The following CDH2 variants were observed in gnomAD, a reference collection of about 807,000 sequenced individuals.
The protein encoded by CDH2 is cadherin 2.
In CDH2, 17 loss-of-function variants were observed where a neutral mutation model predicts 92.0. The ratio of observed to expected loss-of-function variants is 0.18; its 90% CI spans 0.13 to 0.28. The LOEUF (loss-of-function observed/expected upper bound fraction) is 0.28, where lower values mean the gene tolerates loss of function less well. Among genes scored for constraint, CDH2 ranks in the 10% least tolerant of loss-of-function variants. The pLI, the probability that CDH2 is intolerant of heterozygous loss-of-function variation, is 1.00. For missense variants in CDH2, 862 were observed against 1,133.1 expected (o/e 0.76, Z 3.44); for synonymous variants, 419 against 415.9 (o/e 1.01, Z -0.09).
chr18:28,062,758 G>A lies in CDH2; in HGVS notation c.173-48849C>T, dbSNP rs550104892. Among the ~76,000 whole-genome samples, 7 of 152,294 alleles carry A rather than the reference G, an allele frequency of 4.6e-5. No individual in the cohort carries two copies. The South Asian group carries it at 1.5e-3, about 32-fold the overall frequency. On this transcript the variant is annotated intron_variant, in intron 2 of 15. Transcript: ENST00000269141. ...GAAGTCCAAGGCGAGCGGATGACTT[G>A]AGGTCAGGAGTTTGAGACCAGCCTG...
At chr18:27,940,745 A>C (rs541641622) in intron 6 of CDH2, among the ~76,000 whole-genome samples, 1 of 152,222 alleles carries the variant, frequency 6.6e-6, no homozygotes, top group African/African-American at 2.4e-5. Context: ...ACATGCAAAA[A>C]CAGTAAAAGA....
intron 1 of CDH2, 46 bp from the exon 2 acceptor site, chr18:28,147,830 C>T: frequency 9.7e-7 from 1 of 1,035,270 alleles, no homozygotes; most frequent in Non-Finnish European, 1.5e-6. Context: ...TGATTGCTAC[C>T]TCCTTCAACT....
chr18:27,943,118 G>T, intron 6 of CDH2, among the ~76,000 whole-genome samples: 1 of 152,124 alleles, frequency 6.6e-6, no homozygotes, highest in Middle Eastern at 3.4e-3. Flanking sequence ...TTTAATTTAG[G>T]TATATAAATA....
intron 2 of CDH2, among the ~76,000 whole-genome samples, chr18:28,101,614 A>T (rs990381427): frequency 2.0e-5 from 3 of 152,154 alleles, no homozygotes; most frequent in African/African-American, 7.2e-5. Context: ...GTGCAATTTA[A>T]TTTGAGCAAA....
At chr18:27,955,884 T>C (rs1182939560) in intron 15 of CDH2, among the ~76,000 whole-genome samples, 1 of 150,502 alleles carries the variant, frequency 6.6e-6, no homozygotes, top group Non-Finnish European at 1.5e-5. Flanking sequence ...GCAAAATCAC[T>C]GAACTTTTCA....
chr18:27,934,264 C>T (rs1366797365), intron 6 of CDH2, among the ~76,000 whole-genome samples: 5 of 152,116 alleles, frequency 3.3e-5, no homozygotes, highest in Non-Finnish European at 7.4e-5. Flanking sequence ...CTGTCTGTAT[C>T]GATGTCTGTC....
intron 2 of CDH2, among the ~76,000 whole-genome samples, chr18:28,069,332 G>A (rs544227433): frequency 6.6e-6 from 1 of 152,202 alleles, no homozygotes; most frequent in African/African-American, 2.4e-5. Flanking sequence ...TCTGTAAGTG[G>A]AAAAAATAAT....
chr18:27,966,021 T>C (rs1319241047), intron 14 of CDH2, among the ~76,000 whole-genome samples: 1 of 147,174 alleles, frequency 6.8e-6, no homozygotes, highest in Non-Finnish European at 1.5e-5. Flanking sequence ...AAAAAAGATT[T>C]ATTCAGAGAA....
chr18:27,981,323 T>G (rs1220313840), intron 14 of CDH2, among the ~76,000 whole-genome samples: 2 of 152,170 alleles, frequency 1.3e-5, no homozygotes, highest in African/African-American at 4.8e-5. Context: ...AGTGAAAGGA[T>G]AGATTAATTA....
intron 15 of CDH2, among the ~76,000 whole-genome samples, chr18:27,952,731 TA>T (rs1185136373): frequency 1.3e-5 from 2 of 152,006 alleles, no homozygotes; most frequent in Non-Finnish European, 2.9e-5. Flanking sequence ...AGATTAAATT[TA>T]AAAAAAGCAC....
chr18:28,134,300 G>A (rs2015825669), intron 2 of CDH2, among the ~76,000 whole-genome samples: 1 of 152,010 alleles, frequency 6.6e-6, no homozygotes, highest in Non-Finnish European at 1.5e-5. Flanking sequence ...GAAGACATTC[G>A]TGGCTTAAAG....
intron 2 of CDH2, among the ~76,000 whole-genome samples, chr18:28,128,896 G>A (rs1173285562): frequency 1.3e-5 from 2 of 152,090 alleles, no homozygotes; most frequent in African/African-American, 4.8e-5. Context: ...ATTTTTTTCT[G>A]GTAGATATGC....
At chr18:28,082,182 G>T (rs1022050093) in intron 2 of CDH2, among the ~76,000 whole-genome samples, 1 of 152,138 alleles carries the variant, frequency 6.6e-6, no homozygotes, top group African/African-American at 2.4e-5. Flanking sequence ...AGAGGCAGGA[G>T]GACTGCTTGA....
chr18:28,130,099 G>A (rs1458079344), intron 2 of CDH2, among the ~76,000 whole-genome samples: 1 of 152,144 alleles, frequency 6.6e-6, no homozygotes, highest in Non-Finnish European at 1.5e-5. Context: ...AGAGCATAAA[G>A]AAACTAATTC....
intron 6 of CDH2, among the ~76,000 whole-genome samples, chr18:27,933,444 C>G (rs1185556389): frequency 2.0e-5 from 3 of 151,880 alleles, no homozygotes; most frequent in Non-Finnish European, 4.4e-5. Flanking sequence ...TCAACATGAC[C>G]AATATAAATC....
chr18:27,991,676 C>A (rs990688487), intron 9 of CDH2, among the ~76,000 whole-genome samples: 1 of 152,176 alleles, frequency 6.6e-6, no homozygotes, highest in Non-Finnish European at 1.5e-5. Context: ...ACACAGATAT[C>A]AGGAGCAGAG....
intron 2 of CDH2, among the ~76,000 whole-genome samples, chr18:28,049,781 TA>T (rs764197776): frequency 2.8e-4 from 43 of 152,352 alleles, no homozygotes; most frequent in Admixed American, 6.5e-4. Flanking sequence ...CGTATGCAAC[TA>T]ATAATTATTA....
rs1248961810 is a variant in CDH2 at position 28,062,942 on chromosome 18, C to T, written c.173-49033G>A. On this transcript the variant is annotated intron_variant, in intron 2 of 15. Transcript: ENST00000269141. ...GAGCCGAGATCACGCCACTGCACTC[C>T]AGCCTGGGTGACAGATCATGACTCT... Among the ~76,000 whole-genome samples, 3 of 152,150 alleles carry T rather than the reference C, an allele frequency of 2.0e-5. No homozygotes were observed. The East Asian group carries it at 5.8e-4, about 29-fold the overall frequency.
intron 1 of CDH2, among the ~76,000 whole-genome samples, chr18:28,169,834 A>C (rs1427011050): frequency 3.3e-5 from 5 of 152,162 alleles, no homozygotes; most frequent in African/African-American, 7.2e-5. Context: ...ACTTTGAAAA[A>C]CCCAAGTTAA....
Sources: gnomAD v4.1 joint callset for allele counts (sites outside exome capture counted in the v4.1 genomes callset) on GRCh38, gnomAD v4.1.1 for gene constraint, MANE v1.5 for transcripts, NCBI Gene and HGNC (gene_info 2026-07-23, HGNC 2026-07-21) for gene names.